The following PHACTR3 variants were observed in gnomAD, a reference collection of about 807,000 sequenced individuals.
PHACTR3 encodes protein phosphatase 1, regulatory subunit 123.
Under a neutral mutation model 66.8 loss-of-function variants are expected in PHACTR3, and 16 were observed. That is an observed-to-expected ratio of 0.24 (90% confidence interval 0.16 to 0.36). PHACTR3 has a LOEUF of 0.36. Among genes scored for constraint, PHACTR3 ranks in the 10% least tolerant of loss-of-function variants. The pLI, the probability that PHACTR3 is intolerant of heterozygous loss-of-function variation, is 1.00. For synonymous variants in PHACTR3, 323 were observed against 292.1 expected (o/e 1.11, Z -1.08); for missense variants, 647 against 719.9 (o/e 0.90, Z 1.16).
chr20:59,762,392 G>A (rs1568792741), intron 4 of PHACTR3, among the ~76,000 whole-genome samples: 1 of 152,366 alleles, frequency 6.6e-6, no homozygotes, highest in East Asian at 1.9e-4. Context: ...CCTGTCCAGT[G>A]CAGTAGCCAC....
intron 1 of PHACTR3, among the ~76,000 whole-genome samples, chr20:59,667,516 T>C (rs1442556889): frequency 1.3e-5 from 2 of 152,238 alleles, no homozygotes; most frequent in Admixed American, 1.3e-4. Flanking sequence ...TAGATGCCCC[T>C]AAACATCACA....
intron 1 of PHACTR3, among the ~76,000 whole-genome samples, chr20:59,666,522 GAGAGACAGAGAC>G (rs934669160): frequency 6.7e-6 from 1 of 149,952 alleles, no homozygotes; most frequent in Non-Finnish European, 1.5e-5. Context: ...CAGAGGAAGA[GAGAGACAGAGAC>G]AGAGGTAGAG....
chr20:59,584,341 G>A (rs746582370), intron 1 of PHACTR3, among the ~76,000 whole-genome samples: 30 of 150,654 alleles, frequency 2.0e-4, no homozygotes, highest in Non-Finnish European at 3.5e-4. Flanking sequence ...TGTGATGAGT[G>A]CATGTGCCTG....
intron 1 of PHACTR3, among the ~76,000 whole-genome samples, chr20:59,627,523 G>A (rs1216995742): frequency 6.6e-6 from 1 of 152,186 alleles, no homozygotes; most frequent in Non-Finnish European, 1.5e-5. Flanking sequence ...AGCAGGATGG[G>A]GGTTGGGCAA....
chr20:59,784,852 G>A (rs2040849333), intron 7 of PHACTR3, among the ~76,000 whole-genome samples: 1 of 152,128 alleles, frequency 6.6e-6, no homozygotes, highest in African/African-American at 2.4e-5. Context: ...GCTGCCTCTG[G>A]GCCTGGCATA....
At chr20:59,775,638 A>G (rs1440359524) in intron 7 of PHACTR3, among the ~76,000 whole-genome samples, 3 of 152,132 alleles carry the variant, frequency 2.0e-5, no homozygotes, top group African/African-American at 7.2e-5. Context: ...CCACCGCGGA[A>G]CCAGTGTCTT....
At chr20:59,771,383 C>T (rs2040354980) in intron 5 of PHACTR3, among the ~76,000 whole-genome samples, 1 of 152,130 alleles carries the variant, frequency 6.6e-6, no homozygotes, top group Non-Finnish European at 1.5e-5. Context: ...GCGCAGTGTG[C>T]AGAAGCTGGG....
intron 8 of PHACTR3, among the ~76,000 whole-genome samples, chr20:59,815,451 A>G (rs1261302015): frequency 4.2e-5 from 5 of 118,934 alleles, no homozygotes; most frequent in Non-Finnish European, 6.5e-5. Context: ...TTTGAGATGG[A>G]CTCTCACTCT....
At chr20:59,583,040 A>G (rs1042797338) in intron 1 of PHACTR3, among the ~76,000 whole-genome samples, 13 of 152,268 alleles carry the variant, frequency 8.5e-5, no homozygotes, top group African/African-American at 2.9e-4. Context: ...TAGCTCTGAA[A>G]GTCCTGCATC....
intron 1 of PHACTR3, among the ~76,000 whole-genome samples, chr20:59,664,128 G>C (rs1000585364): frequency 3.3e-5 from 5 of 152,186 alleles, no homozygotes; most frequent in African/African-American, 1.2e-4. Flanking sequence ...GACTGGGAAA[G>C]TGGTGGTAGA....
chr20:59,642,243 T>G (rs2035128583), intron 1 of PHACTR3, among the ~76,000 whole-genome samples: 1 of 152,200 alleles, frequency 6.6e-6, no homozygotes, highest in South Asian at 2.1e-4. Context: ...TTCCTGGACT[T>G]TTGCAGGGTT....
At position 59,628,988 on chromosome 20, in the gene PHACTR3, A is replaced by G. The variant is rs2034564398; in HGVS notation, c.118+23856A>G. On this transcript the variant is annotated intron_variant, in intron 1 of 12. Coordinates refer to ENST00000371015, the MANE Select transcript of PHACTR3 (RefSeq NM_080672.5). ...GGTGGACATTGGTACAGTGAGGTTA[A>G]CTAAACCAACTAAACCAGAGGCCTT... Among the ~76,000 whole-genome samples the G allele has an allele frequency of 4.6e-5, 7 of 152,246 alleles. 1 individual carries two copies. In the South Asian group the frequency reaches 1.4e-3, roughly 32 times the overall value.
At chr20:59,628,798 G>A (rs6128647) in intron 1 of PHACTR3, 46,297 of 985,346 alleles carry the variant, frequency 0.047, 1,694 homozygotes, top group East Asian at 0.32. Flanking sequence ...ACAGCCCTGC[G>A]CTGGGAAGAG....
chr20:59,743,357 C>A, intron 2 of PHACTR3, 89 bp downstream of exon 2: 1 of 1,501,072 alleles, frequency 6.7e-7, no homozygotes, highest in Non-Finnish European at 9.1e-7. Context: ...CTGTGACTTC[C>A]TGGCCCCTAC....
rs538259040 is a variant in PHACTR3 at position 59,628,528 on chromosome 20, G to T, written c.118+23396G>T. 77 of 698,676 alleles carry T rather than the reference G, an allele frequency of 1.1e-4. No homozygotes were observed. In the African/African-American group the frequency reaches 1.3e-3, roughly 12 times the overall value. 43.3% of individuals were successfully genotyped at this position (698,676 alleles called of 1,614,324 possible). A position where few individuals can be genotyped will look rare whatever the true frequency, so the allele number is the denominator to read the frequency against. On this transcript the variant is annotated intron_variant, in intron 1 of 12. Coordinates refer to ENST00000371015, the MANE Select transcript of PHACTR3 (RefSeq NM_080672.5). ...GGAGTGCAGCCGTGCATGGGGCCAC[G>T]TGCAGGCATTTCTGGCTCCTGGCTC...
At chr20:59,834,553 C>T (rs2042472258) in intron 8 of PHACTR3, among the ~76,000 whole-genome samples, 1 of 152,216 alleles carries the variant, frequency 6.6e-6, no homozygotes, top group South Asian at 2.1e-4. Context: ...CTGTGTAACT[C>T]TCTCAGAAGT....
intron 5 of PHACTR3, among the ~76,000 whole-genome samples, chr20:59,772,665 A>G (rs1346369233): frequency 1.3e-5 from 2 of 152,110 alleles, no homozygotes; most frequent in Admixed American, 6.5e-5. Context: ...GCAGCTAGGG[A>G]GCCGAGTGGG....
chr20:59,752,212 AC>A (rs2039620051), intron 3 of PHACTR3, among the ~76,000 whole-genome samples: 1 of 152,180 alleles, frequency 6.6e-6, no homozygotes, highest in South Asian at 2.1e-4. Context: ...ATGCACGTGC[AC>A]CTGTGTGCAC....
intron 1 of PHACTR3, among the ~76,000 whole-genome samples, chr20:59,739,449 G>A (rs1290511948): frequency 1.3e-5 from 2 of 152,160 alleles, no homozygotes; most frequent in African/African-American, 4.8e-5. Context: ...TCAAAGTTTA[G>A]CATGGTTGGG....
Sources: allele counts gnomAD v4.1 joint callset (sites outside exome capture counted in the v4.1 genomes callset), GRCh38; gene constraint gnomAD v4.1.1; transcripts MANE v1.5; gene names NCBI Gene and HGNC (gene_info 2026-07-23, HGNC 2026-07-21).